Variants in WRNIP1 observed in about 807,000 individuals in gnomAD.
WRNIP1 encodes the protein WRN helicase interacting protein 1.
Under a neutral mutation model 56.1 loss-of-function variants are expected in WRNIP1, and 41 were observed. The observed-to-expected ratio is 0.73, with a 90% CI of 0.57 to 0.95. The LOEUF (loss-of-function observed/expected upper bound fraction) is 0.95, where lower values mean the gene tolerates loss of function less well. Among genes scored for constraint, WRNIP1 ranks in the 40% least tolerant of loss-of-function variants. WRNIP1 has a pLI of 0.00. For synonymous variants in WRNIP1, 547 were observed against 398.1 expected (o/e 1.37, Z -4.45); for missense variants, 1,170 against 939.4 (o/e 1.25, Z -3.21).
At chr6:2,780,630 G>A (rs2113479415) in intron 4 of WRNIP1, among the ~76,000 whole-genome samples, 1 of 152,292 alleles carries the variant, frequency 6.6e-6, no homozygotes, top group South Asian at 2.1e-4. Context: ...AGTCTGAAAA[G>A]CAACACATTC....
intron 3 of WRNIP1, among the ~76,000 whole-genome samples, chr6:2,775,756 T>G (rs1765415700): frequency 6.6e-6 from 1 of 152,224 alleles, no homozygotes; most frequent in Admixed American, 6.5e-5. Flanking sequence ...CAAGCTCTCT[T>G]AAGTCTGTTT....
rs1765699854 is a variant in WRNIP1, at chr6:2,785,922, T to A, written c.*640T>A. 1 of 152,748 alleles carries A rather than the reference T, an allele frequency of 6.5e-6. No individual in the cohort carries two copies. 9.5% of individuals were successfully genotyped at this position (152,748 alleles called of 1,614,324 possible). On this transcript the variant is annotated 3_prime_UTR_variant, in exon 7 of 7. Transcript: ENST00000380773. ...GTTAACTCTGATCTCTTTAAAGGAA[T>A]ACATAAAGGAATTCTTTAAATGGCT...
At chr6:2,767,995 G>GT (rs1393336829) in intron 1 of WRNIP1, among the ~76,000 whole-genome samples, 1 of 152,198 alleles carries the variant, frequency 6.6e-6, no homozygotes, top group Admixed American at 6.5e-5. Context: ...ACAGTCTTCA[G>GT]TTTTTCTTCT....
chr6:2,773,578 G>A, intron 3 of WRNIP1: 1 of 985,382 alleles, frequency 1.0e-6, no homozygotes. Context: ...TACAAACAGT[G>A]AAGATTCTGT....
rs551543256 is a variant in WRNIP1, at chr6:2,768,528, T to TAAA, written c.823-162_823-160dup. Reference sequence around the variant, plus strand: ...ATAATATTTTTGTTGTTGTTGTTTTTAAATGTCCTGTGGTATTTTTGATTG... The same window carrying TAAA: ...ATAATATTTTTGTTGTTGTTGTTTTTAAAAAATGTCCTGTGGTATTTTTGATTG... On this transcript the variant is annotated intron_variant, in intron 1 of 6. Coordinates refer to ENST00000380773, the MANE Select transcript of WRNIP1 (RefSeq NM_020135.3). 5.3e-5 allele frequency among the ~76,000 whole-genome samples: 8 copies of TAAA among 152,370 alleles called. No homozygotes were observed. The South Asian group carries it at 1.2e-3, about 24-fold the overall frequency.
intron 6 of WRNIP1, 56 bp from the exon 7 acceptor site, chr6:2,784,951 G>A (rs1320618970): frequency 1.8e-5 from 28 of 1,598,168 alleles, no homozygotes; most frequent in East Asian, 4.5e-5. Context: ...AAGGGGCTCT[G>A]CAGAACAGAA....
rs923718485 is a variant in WRNIP1, at chr6:2,785,535, G to C, written c.*253G>C. The C allele has an allele frequency of 4.3e-5, 21 of 490,146 alleles. No individual in the cohort carries two copies. In the South Asian group the frequency reaches 5.9e-4, roughly 14 times the overall value. The allele number at this position is 490,146 out of a possible 1,614,324, so 30.4% of individuals were successfully genotyped here. A position where few individuals can be genotyped will look rare whatever the true frequency, so the allele number is the denominator to read the frequency against. On this transcript the variant is annotated 3_prime_UTR_variant, in exon 7 of 7. Transcript: ENST00000380773. ...TGGCAGCTTTGTGCAATGAATTAATGTTATAAGGAATTATCTATTTTGTCA... is the reference window on the plus strand; with the variant it reads ...TGGCAGCTTTGTGCAATGAATTAATCTTATAAGGAATTATCTATTTTGTCA...
chr6:2,775,156 G>C (rs1473724156), intron 3 of WRNIP1, among the ~76,000 whole-genome samples: 2 of 152,212 alleles, frequency 1.3e-5, no homozygotes, highest in African/African-American at 4.8e-5. Flanking sequence ...GACTTCAAGT[G>C]CTACAAGGGG....
intron 4 of WRNIP1, 124 bp from the exon 5 acceptor site, chr6:2,783,282 C>T: frequency 1.8e-6 from 2 of 1,117,768 alleles, no homozygotes; most frequent in Non-Finnish European, 2.4e-6. Flanking sequence ...CTGCCCAAAC[C>T]TCTCCTCGGC....
intron 3 of WRNIP1, chr6:2,773,847 T>G: frequency 1.0e-6 from 1 of 982,084 alleles, no homozygotes; most frequent in Non-Finnish European, 1.2e-6. Flanking sequence ...AAGCCATAAC[T>G]GCCCTCTGCC....
intron 3 of WRNIP1, among the ~76,000 whole-genome samples, chr6:2,778,558 T>C (rs1172243563): frequency 2.0e-5 from 3 of 152,212 alleles, no homozygotes; most frequent in Non-Finnish European, 4.4e-5. Flanking sequence ...CTCATGGCTA[T>C]GTACCAGCAG....
Position 2,779,404 on chromosome 6 carries a change from G to C in WRNIP1, c.1398G>C (p.Gly466=), listed in dbSNP as rs1190858285. The C allele has an allele frequency of 6.2e-7, 1 of 1,614,216 alleles. No individual in the cohort carries two copies. Among genetic ancestry groups the C allele is most frequent in the Non-Finnish European group, 8.5e-7 (1 of 1,180,038 alleles). ...GGAAGATGTTCTGTAAGAAGAGTGG[G>C]CAATCCTATTCTCCCAGTAGAGTTC... The part of the protein sequence containing the change: ...SSRKMFCKKS[G]QSYSPSRVLI... Residue 466 remains glycine (G), a synonymous_variant, in exon 4 of 7, where the codon GGG becomes GGC. Coordinates refer to ENST00000380773, the MANE Select transcript of WRNIP1 (RefSeq NM_020135.3).
Position 2,765,880 on chromosome 6 carries a change from G to A in WRNIP1, c.258G>A (p.Pro86=). 1 of 1,449,336 alleles carries A rather than the reference G, an allele frequency of 6.9e-7. No homozygotes were observed. Among genetic ancestry groups the A allele is most frequent in the Non-Finnish European group, 9.1e-7 (1 of 1,102,620 alleles). The allele number at this position is 1,449,336 out of a possible 1,614,324, so 89.8% of individuals were successfully genotyped here. The change falls in exon 1 of 7, where the codon CCG becomes CCA. Residue 86 remains proline, a synonymous_variant. Transcript: ENST00000380773. ...CGGCGCTGAAGCAGCCAGCCACCCC[G>A]ACGGCAGCCGAGAGCAGCGAGGGCG... ...ESSALKQPAT[P]TAAESSEGEG...
intron 4 of WRNIP1, among the ~76,000 whole-genome samples, chr6:2,781,064 C>T (rs371318233): frequency 3.3e-5 from 5 of 152,352 alleles, no homozygotes; most frequent in East Asian, 3.9e-4. Context: ...TCCTTCCCCC[C>T]GTCCGCATTT....
Position 2,766,045 on chromosome 6 carries a change from G to A in WRNIP1, c.423G>A (p.Lys141=). 2.3e-6 allele frequency: 3 copies of A among 1,298,264 alleles called. No homozygotes were observed. The highest frequency in any genetic ancestry group is 1.5e-5 in the African/African-American group (1 of 64,676). The allele number at this position is 1,298,264 out of a possible 1,614,324, so 80.4% of individuals were successfully genotyped here. A position where few individuals can be genotyped will look rare whatever the true frequency, so the allele number is the denominator to read the frequency against. ...GCCCCGGGAGGAAGGGGTCGGGGAA[G>A]AGGCCGGCGGCCGCCGCCGCGGCGG... ...SSSPGRKGSG[K]RPAAAAAAGS... is the part of the protein sequence containing the mutation. Residue 141 remains lysine (K), a synonymous_variant, in exon 1 of 7, where the codon AAG becomes AAA. Coordinates refer to ENST00000380773, the MANE Select transcript of WRNIP1 (RefSeq NM_020135.3).
At chr6:2,783,361 C>G (rs779371275) in intron 4 of WRNIP1, 45 bp from the exon 5 acceptor site, 9 of 1,491,134 alleles carry the variant, frequency 6.0e-6, no homozygotes, top group Non-Finnish European at 6.3e-6. Context: ...GGCTTGGGCG[C>G]CCCTCCTGTG....
At chr6:2,781,744 A>G (rs778476073) in intron 4 of WRNIP1, among the ~76,000 whole-genome samples, 15 of 152,264 alleles carry the variant, frequency 9.9e-5, no homozygotes, top group Non-Finnish European at 1.8e-4. Context: ...CATGGAAGGT[A>G]GCATAGAATA....
At chr6:2,780,816 T>G (rs1218713387) in intron 4 of WRNIP1, among the ~76,000 whole-genome samples, 2 of 152,204 alleles carry the variant, frequency 1.3e-5, no homozygotes, top group African/African-American at 4.8e-5. Context: ...AGGATTTGCC[T>G]TGTTTTGATT....
rs1764906972 is a variant in WRNIP1 at position 2,765,618 on chromosome 6, C to T, written c.-5C>T. ...CGCCGGGCGCCGGGGAGGGCGGCGG[C>T]CGCCATGGAGGTGAGCGGGCCGGAA... is the stretch of plus-strand genomic sequence containing the variant. On this transcript the variant is annotated 5_prime_UTR_variant, in exon 1 of 7. Coordinates refer to ENST00000380773, the MANE Select transcript of WRNIP1 (RefSeq NM_020135.3). 3.3e-6 allele frequency: 5 copies of T among 1,517,240 alleles called. No homozygotes were observed. Among genetic ancestry groups the T allele is most frequent in the Admixed American group, 2.0e-5 (1 of 50,632 alleles). 94.0% of individuals were successfully genotyped at this position (1,517,240 alleles called of 1,614,324 possible). A position where few individuals can be genotyped will look rare whatever the true frequency, so the allele number is the denominator to read the frequency against.
Sources: gnomAD v4.1 joint callset for allele counts (sites outside exome capture counted in the v4.1 genomes callset) on GRCh38, gnomAD v4.1.1 for gene constraint, MANE v1.5 for transcripts, NCBI Gene and HGNC (gene_info 2026-07-23, HGNC 2026-07-21) for gene names.